RABGAP1: variants seen among roughly 807,000 people sequenced by gnomAD.
RABGAP1 encodes the protein rab GTPase-activating protein 1.
In RABGAP1, 23 loss-of-function variants were observed where a neutral mutation model predicts 137.6. The ratio of observed to expected loss-of-function variants is 0.17; its 90% CI spans 0.12 to 0.24. The LOEUF (loss-of-function observed/expected upper bound fraction) is 0.24, where lower values mean the gene tolerates loss of function less well. Ranked by LOEUF, RABGAP1 falls within the 10% of genes least tolerant of loss-of-function variation. The probability of loss-of-function intolerance (pLI) is 1.00; values close to 1 mark genes in which losing one functional copy is unlikely to be tolerated. For missense variants in RABGAP1, 906 were observed against 1,275.8 expected (o/e 0.71, Z 4.42); for synonymous variants, 451 against 450.7 (o/e 1.00, Z -0.01).
chr9:123,051,792 T>A (rs1030649020), intron 13 of RABGAP1, among the ~76,000 whole-genome samples: 52 of 96,776 alleles, frequency 5.4e-4, no homozygotes, highest in Non-Finnish European at 7.0e-4. Flanking sequence ...TTATTTTATT[T>A]TATTATTATC....
chr9:123,075,427 A>G (rs1321259519), intron 17 of RABGAP1, among the ~76,000 whole-genome samples: 1 of 152,238 alleles, frequency 6.6e-6, no homozygotes, highest in Non-Finnish European at 1.5e-5. Flanking sequence ...GCTATATTCA[A>G]AACATACAAA....
chr9:122,966,394 C>T (rs939082316), intron 2 of RABGAP1, among the ~76,000 whole-genome samples: 2 of 151,928 alleles, frequency 1.3e-5, no homozygotes, highest in African/African-American at 4.8e-5. Context: ...CATGGTGGTA[C>T]AGCCTGTAAT....
At chr9:123,064,076 C>T (rs2034084226) in intron 13 of RABGAP1, among the ~76,000 whole-genome samples, 1 of 152,158 alleles carries the variant, frequency 6.6e-6, no homozygotes, top group Non-Finnish European at 1.5e-5. Context: ...CTCGCTCTCT[C>T]ATTTTCTCAC....
At chr9:122,980,960 C>T (rs568986780) in intron 2 of RABGAP1, among the ~76,000 whole-genome samples, 9 of 152,116 alleles carry the variant, frequency 5.9e-5, no homozygotes, top group Middle Eastern at 3.4e-3. Flanking sequence ...TCGTAGTTTG[C>T]GATTTAGATT....
chr9:123,047,149 AATT>A (rs2033241225), intron 13 of RABGAP1, among the ~76,000 whole-genome samples: 1 of 152,220 alleles, frequency 6.6e-6, no homozygotes, highest in Non-Finnish European at 1.5e-5. Flanking sequence ...AAAATCAAAG[AATT>A]GTCTTTCCAT....
At chr9:123,029,472 C>G (rs908415565) in intron 13 of RABGAP1, 113 of 1,409,278 alleles carry the variant, frequency 8.0e-5, no homozygotes, top group Non-Finnish European at 1.1e-4. Flanking sequence ...TTGATAAGTC[C>G]TTTACTAAGG....
intron 2 of RABGAP1, among the ~76,000 whole-genome samples, chr9:122,963,146 C>T (rs1834940708): frequency 6.6e-6 from 1 of 152,152 alleles, no homozygotes; most frequent in Non-Finnish European, 1.5e-5. Flanking sequence ...TGGTGGCTGA[C>T]TCCTGTAATC....
intron 21 of RABGAP1, among the ~76,000 whole-genome samples, chr9:123,092,244 A>G (rs1311489251): frequency 6.6e-6 from 1 of 152,182 alleles, no homozygotes; most frequent in Non-Finnish European, 1.5e-5. Context: ...CCTAAACAGT[A>G]TAAACCCTTT....
chr9:122,964,969 C>T (rs1020075523), intron 2 of RABGAP1, among the ~76,000 whole-genome samples: 2 of 152,066 alleles, frequency 1.3e-5, no homozygotes, highest in African/African-American at 4.8e-5. Context: ...TGCACCCCTA[C>T]CTGGGCAACA....
intron 1 of RABGAP1, among the ~76,000 whole-genome samples, chr9:122,954,698 T>TA (rs989707380): frequency 1.5e-4 from 23 of 151,994 alleles, no homozygotes; most frequent in Admixed American, 3.9e-4. Context: ...GTACAAATTC[T>TA]AAAAAAAAGA....
chr9:122,989,256 C>G, intron 4 of RABGAP1, 41 bp from the exon 5 acceptor site: 1 of 1,541,154 alleles, frequency 6.5e-7, no homozygotes, highest in South Asian at 1.1e-5. Flanking sequence ...GCAGATTGTT[C>G]ATAATTCCTG....
chr9:122,950,377 C>CTTTCTTTTTTTTTTTTTTTTT (rs1834167534), intron 1 of RABGAP1, among the ~76,000 whole-genome samples: 1 of 74,492 alleles, frequency 1.3e-5, no homozygotes, highest in African/African-American at 5.3e-5. Flanking sequence ...CTTTTTCTTT[C>CTTTCTTTTTTTTTTTTTTTTT]TTTTTTTTTT....
intron 10 of RABGAP1, among the ~76,000 whole-genome samples, chr9:123,005,899 T>C (rs771954626): frequency 2.0e-5 from 3 of 152,194 alleles, no homozygotes; most frequent in Non-Finnish European, 2.9e-5. Context: ...CTCTGCAGGG[T>C]TGTCGAGTGT....
At chr9:123,076,110 C>A in intron 17 of RABGAP1, 135 bp from the exon 18 acceptor site, 2 of 888,190 alleles carry the variant, frequency 2.3e-6, no homozygotes, top group Non-Finnish European at 3.3e-6. Context: ...TTTTATTTTT[C>A]AAGGTAGTTC....
At chr9:122,968,460 T>A (rs1052212392) in intron 2 of RABGAP1, among the ~76,000 whole-genome samples, 1 of 152,102 alleles carries the variant, frequency 6.6e-6, no homozygotes, top group African/African-American at 2.4e-5. Flanking sequence ...TGGCCTCAAG[T>A]AATCTGCCTG....
chr9:123,021,809 C>A lies in RABGAP1; in HGVS notation c.1794+1350C>A, dbSNP rs557857428. Among the ~76,000 whole-genome samples, 5 of 152,282 alleles carry A rather than the reference C, an allele frequency of 3.3e-5. No homozygotes were observed. In the East Asian group the frequency reaches 5.8e-4, roughly 18 times the overall value. ...AGTATTTATCGTTGAGTAACTGTTA[C>A]AACCACAGTGTTGGAGCTGGGAGGT... On this transcript the variant is annotated intron_variant, in intron 13 of 25. Transcript: ENST00000373647.
intron 13 of RABGAP1, among the ~76,000 whole-genome samples, chr9:123,031,715 G>C (rs1366885766): frequency 2.0e-5 from 3 of 152,138 alleles, no homozygotes; most frequent in Non-Finnish European, 4.4e-5. Context: ...GGAGTGCCTG[G>C]GAAAATGTTG....
chr9:123,054,665 A>G (rs1411320121), intron 13 of RABGAP1, among the ~76,000 whole-genome samples: 1 of 152,230 alleles, frequency 6.6e-6, no homozygotes, highest in Non-Finnish European at 1.5e-5. Flanking sequence ...GATTCCCTCC[A>G]GGTGAGTGCA....
chr9:123,074,269 T>C lies in RABGAP1; in HGVS notation c.2110-16T>C, dbSNP rs2034447504. Reference sequence around the variant, plus strand: ...AGATGCATATGTGCCCAGAACTAATTGGTTTGCTATTTCAGGAATACATTC... The same window carrying C: ...AGATGCATATGTGCCCAGAACTAATCGGTTTGCTATTTCAGGAATACATTC... On this transcript the variant is annotated splice_polypyrimidine_tract_variant and intron_variant, in intron 16 of 25. Coordinates refer to ENST00000373647, the MANE Select transcript of RABGAP1 (RefSeq NM_012197.4). 1 of 1,613,298 alleles carries C rather than the reference T, an allele frequency of 6.2e-7. No homozygotes were observed. Among genetic ancestry groups the C allele is most frequent in the African/African-American group, 1.3e-5 (1 of 74,908 alleles).
Sources: allele counts gnomAD v4.1 joint callset (sites outside exome capture counted in the v4.1 genomes callset), GRCh38; gene constraint gnomAD v4.1.1; transcripts MANE v1.5; gene names NCBI Gene and HGNC (gene_info 2026-07-23, HGNC 2026-07-21).